Variants in PCDH15 observed in about 807,000 individuals in gnomAD.
PCDH15 encodes protocadherin-15.
A neutral mutation model predicts 178.5 loss-of-function variants in PCDH15; 129 were observed. The observed-to-expected ratio is 0.72, with a 90% CI of 0.63 to 0.84. The LOEUF (loss-of-function observed/expected upper bound fraction) is 0.84. Ranked by LOEUF, PCDH15 falls within the 40% of genes least tolerant of loss-of-function variation. The pLI, the probability that PCDH15 is intolerant of heterozygous loss-of-function variation, is 0.00. For missense variants in PCDH15, 2,230 were observed against 2,099.9 expected, an observed-to-expected ratio of 1.06 and a Z score of -1.21; for synonymous variants, 800 against 732.0, an observed-to-expected ratio of 1.09 and a Z score of -1.50.
At chr10:54,620,393 T>G (rs2093318483) in intron 2 of PCDH15, among the ~76,000 whole-genome samples, 1 of 152,172 alleles carries the variant, frequency 6.6e-6, no homozygotes, top group South Asian at 2.1e-4. Context: ...AAAAAGATTC[T>G]AATATTTCTA....
At chr10:54,471,769 AC>A (rs2077936525) in intron 3 of PCDH15, among the ~76,000 whole-genome samples, 1 of 152,068 alleles carries the variant, frequency 6.6e-6, no homozygotes. Flanking sequence ...ATCAAGTGTA[AC>A]AATATTTCCC....
intron 2 of PCDH15, among the ~76,000 whole-genome samples, chr10:55,373,984 T>C (rs889836791): frequency 6.6e-6 from 1 of 151,548 alleles, no homozygotes; most frequent in African/African-American, 2.4e-5. Flanking sequence ...GAGAAATATC[T>C]AATGTAGATG....
intron 2 of PCDH15, among the ~76,000 whole-genome samples, chr10:54,646,059 A>G (rs962368565): frequency 9.2e-5 from 14 of 152,134 alleles, no homozygotes; most frequent in African/African-American, 3.4e-4. Flanking sequence ...TTTTATATTC[A>G]CACACTACAT....
chr10:55,545,007 T>C (rs1242833743), intron 2 of PCDH15, among the ~76,000 whole-genome samples: 1 of 152,136 alleles, frequency 6.6e-6, no homozygotes, highest in African/African-American at 2.4e-5. Flanking sequence ...AAACACTTTA[T>C]AGGTAGTATA....
intron 1 of PCDH15, among the ~76,000 whole-genome samples, chr10:54,675,461 T>C (rs1192941057): frequency 1.9e-5 from 1 of 51,596 alleles, no homozygotes; most frequent in South Asian, 5.6e-4. Context: ...TTTCATGTTG[T>C]TTTTTTTTTT....
chr10:54,066,713 C>G, intron 18 of PCDH15, 44 bp downstream of exon 18: 1 of 1,588,960 alleles, frequency 6.3e-7, no homozygotes, highest in Non-Finnish European at 8.6e-7. Flanking sequence ...AACTTACACT[C>G]TTTGAAAAAC....
chr10:54,475,549 T>A (rs561688093), intron 3 of PCDH15, among the ~76,000 whole-genome samples: 14 of 152,180 alleles, frequency 9.2e-5, no homozygotes, highest in African/African-American at 3.4e-4. Flanking sequence ...ATGCTGGACC[T>A]ATACAGACCT....
intron 2 of PCDH15, among the ~76,000 whole-genome samples, chr10:55,078,242 G>A (rs1439753135): frequency 6.6e-6 from 1 of 152,052 alleles, no homozygotes. Flanking sequence ...GCTAGTTTTG[G>A]AATTATCTCT....
chr10:54,719,588 C>T (rs1454563719), intron 1 of PCDH15, among the ~76,000 whole-genome samples: 1 of 151,744 alleles, frequency 6.6e-6, no homozygotes, highest in African/African-American at 2.4e-5. Flanking sequence ...TATATGTGTG[C>T]CATGGTGATT....
At chr10:54,887,521 A>G (rs2131812215) in intron 3 of PCDH15, among the ~76,000 whole-genome samples, 1 of 152,266 alleles carries the variant, frequency 6.6e-6, no homozygotes, top group African/African-American at 2.4e-5. Flanking sequence ...CATTTTAACA[A>G]TATAGGAAGA....
At chr10:55,143,699 C>T (rs1010429197) in intron 2 of PCDH15, among the ~76,000 whole-genome samples, 10 of 151,998 alleles carry the variant, frequency 6.6e-5, no homozygotes, top group African/African-American at 2.4e-4. Flanking sequence ...CCAGTAATTG[C>T]ATAGCACTTT....
intron 2 of PCDH15, among the ~76,000 whole-genome samples, chr10:54,921,682 A>G (rs1039479557): frequency 2.0e-5 from 3 of 152,230 alleles, no homozygotes; most frequent in African/African-American, 7.2e-5. Flanking sequence ...TTATGGCTGC[A>G]TAGTATTCCA....
chr10:54,080,190 T>G (rs1223795885), intron 16 of PCDH15, among the ~76,000 whole-genome samples: 1 of 152,070 alleles, frequency 6.6e-6, no homozygotes. Flanking sequence ...CTTTGGAAAT[T>G]TAGCTGTTTC....
At chr10:55,541,676 T>TAAAC (rs1841762767) in intron 2 of PCDH15, among the ~76,000 whole-genome samples, 1 of 151,858 alleles carries the variant, frequency 6.6e-6, no homozygotes, top group Non-Finnish European at 1.5e-5. Context: ...TATCCACAGG[T>TAAAC]TTTTTCAATA....
intron 14 of PCDH15, among the ~76,000 whole-genome samples, chr10:54,147,006 G>GTGTATATATATAATGTATATATAGTGTA (rs2044039225): frequency 7.4e-6 from 1 of 135,772 alleles, no homozygotes; most frequent in African/African-American, 2.8e-5. Flanking sequence ...TATATATAGT[G>GTGTATATATATAATGTATATATAGTGTA]TATATATAAT....
intron 1 of PCDH15, among the ~76,000 whole-genome samples, chr10:54,699,911 C>T (rs2095285727): frequency 6.6e-6 from 1 of 151,990 alleles, no homozygotes; most frequent in African/African-American, 2.4e-5. Flanking sequence ...ATATGAAAAT[C>T]AGCTATGCCT....
chr10:54,477,746 C>T (rs547465699), intron 3 of PCDH15, among the ~76,000 whole-genome samples: 2 of 152,216 alleles, frequency 1.3e-5, no homozygotes, highest in Admixed American at 6.5e-5. Flanking sequence ...CAGGCGTGTG[C>T]CAACACGTTC....
At chr10:54,273,520 G>A (rs2058168678) in intron 8 of PCDH15, among the ~76,000 whole-genome samples, 2 of 151,886 alleles carry the variant, frequency 1.3e-5, no homozygotes, top group Non-Finnish European at 2.9e-5. Context: ...TATAAATGTA[G>A]TAGCAATGTA....
At chr10:54,598,005 C>T (rs1286634437) in intron 2 of PCDH15, among the ~76,000 whole-genome samples, 1 of 151,956 alleles carries the variant, frequency 6.6e-6, no homozygotes, top group Non-Finnish European at 1.5e-5. Context: ...GCCTGCAAAC[C>T]AAAAACAGCC....
Sources: gnomAD v4.1 joint callset for allele counts (sites outside exome capture counted in the v4.1 genomes callset) on GRCh38, gnomAD v4.1.1 for gene constraint, MANE v1.5 for transcripts, NCBI Gene and HGNC (gene_info 2026-07-23, HGNC 2026-07-21) for gene names.